Variants in ATP6V1A observed in about 807,000 individuals in gnomAD.
The protein encoded by ATP6V1A is ATPase H+ transporting V1 subunit A.
In ATP6V1A, 18 loss-of-function variants were observed where a neutral mutation model predicts 70.1. That is an observed-to-expected ratio of 0.26 (90% CI 0.18 to 0.38). ATP6V1A has a LOEUF of 0.38. Ranked by LOEUF, ATP6V1A falls within the 10% of genes least tolerant of loss-of-function variation. ATP6V1A has a pLI of 1.00. For missense variants in ATP6V1A, 424 were observed against 772.4 expected (o/e 0.55, Z 5.35); for synonymous variants, 232 against 253.8 (o/e 0.91, Z 0.82).
intron 12 of ATP6V1A, chr3:113,802,975 C>A (rs537288547): frequency 6.5e-6 from 1 of 152,832 alleles, no homozygotes; most frequent in African/African-American, 2.4e-5. Context: ...ATATTCTTAG[C>A]AGCACTGTTC....
chr3:113,773,949 A>T (rs1048984706), intron 1 of ATP6V1A, among the ~76,000 whole-genome samples: 2 of 152,136 alleles, frequency 1.3e-5, no homozygotes, highest in Non-Finnish European at 2.9e-5. Flanking sequence ...ATTGTGTCTT[A>T]CTTCATTATA....
intron 2 of ATP6V1A, chr3:113,780,736 C>T: frequency 7.7e-7 from 1 of 1,298,106 alleles, no homozygotes; most frequent in Non-Finnish European, 1.0e-6. Flanking sequence ...CCAAAGCCTT[C>T]ACTCCATGTA....
At chr3:113,800,322 A>G (rs766606697) in intron 12 of ATP6V1A, among the ~76,000 whole-genome samples, 1 of 152,194 alleles carries the variant, frequency 6.6e-6, no homozygotes, top group Non-Finnish European at 1.5e-5. Flanking sequence ...CAAGATTCAC[A>G]ACCTTAAATA....
intron 1 of ATP6V1A, among the ~76,000 whole-genome samples, chr3:113,776,458 T>A (rs1039701775): frequency 6.6e-6 from 1 of 152,218 alleles, no homozygotes; most frequent in Non-Finnish European, 1.5e-5. Flanking sequence ...GGAATCAGTT[T>A]CTCCTGTGCT....
At chr3:113,790,909 G>A (rs542713761) in intron 8 of ATP6V1A, among the ~76,000 whole-genome samples, 42 of 152,046 alleles carry the variant, frequency 2.8e-4, no homozygotes, top group Middle Eastern at 3.4e-3. Context: ...TTAAATGCTG[G>A]GGACATTAAA....
rs1372863359 is a variant in ATP6V1A at position 113,784,368 on chromosome 3, C to G, written c.356C>G (p.Pro119Arg). 9 of 1,614,118 alleles carry G rather than the reference C, an allele frequency of 5.6e-6. No homozygotes were observed. In the South Asian group the frequency reaches 8.8e-5, roughly 16 times the overall value. Reference protein sequence around the residue: ...ISSQTQSIYIPRGVNVSALSR... With the variant: ...ISSQTQSIYIRRGVNVSALSR... ...AGTCAGACCCAAAGCATCTACATCC[C>G]CAGAGGAGTAAACGTGTCTGCTCTT... The change falls in exon 4 of 15, where the codon CCC becomes CGC. Residue 119 changes from proline to arginine, a missense_variant. Pro to Arg is a moderately radical substitution (Grantham distance 103). Around this residue, in one of 9 missense-constraint regions of ATP6V1A, gnomAD observed 139 missense variants for 163.5 expected, o/e 0.85. Coordinates refer to ENST00000273398, the MANE Select transcript of ATP6V1A (RefSeq NM_001690.4).
In ATP6V1A at chr3:113,781,642, TA is replaced by T. The variant is rs151249041; in HGVS notation, c.211+467del. On this transcript the variant is annotated intron_variant, in intron 3 of 14. Transcript: ENST00000273398. ...AGACCTGAATTATGCAGGAGTATGT[TA>T]AAGAAAGAGAGAAAAGTACTATGAA... is the stretch of plus-strand genomic sequence containing the variant. Among the ~76,000 whole-genome samples the T allele has an allele frequency of 9.7e-3, 1,475 of 152,344 alleles. 19 individuals carry two copies. Among genetic ancestry groups the T allele is most frequent in the African/African-American group, 0.033 (1,378 of 41,586 alleles).
intron 1 of ATP6V1A, among the ~76,000 whole-genome samples, chr3:113,776,652 G>A (rs1370091159): frequency 1.3e-5 from 2 of 152,134 alleles, no homozygotes; most frequent in Non-Finnish European, 2.9e-5. Flanking sequence ...TGTTAAAGTA[G>A]TTGAACACCA....
rs781640990 is a variant in ATP6V1A at position 113,778,782 on chromosome 3, T to G, written c.29T>G (p.Leu10Arg). Reference protein sequence around the residue: MDFSKLPKILDEDKESTFGY... With the variant: MDFSKLPKIRDEDKESTFGY... ...GATTTTTCCAAGCTACCCAAAATAC[T>G]CGATGAAGATAAAGAAAGCACATTT... The change falls in exon 2 of 15, where the codon CTC becomes CGC. Residue 10 changes from leucine (L) to arginine (R), a missense_variant. Physicochemically the swap from Leu to Arg is moderately radical, Grantham distance 102 (BLOSUM62 -2). Coordinates refer to ENST00000273398, the MANE Select transcript of ATP6V1A (RefSeq NM_001690.4). 2.1e-5 allele frequency: 34 copies of G among 1,595,194 alleles called. No individual in the cohort carries two copies. The highest frequency in any genetic ancestry group is 2.7e-5 in the Non-Finnish European group (32 of 1,171,234).
At chr3:113,767,375 C>T (rs1708784800) in intron 1 of ATP6V1A, among the ~76,000 whole-genome samples, 1 of 152,264 alleles carries the variant, frequency 6.6e-6, no homozygotes, top group Middle Eastern at 3.4e-3. Context: ...GTGTAAGCCA[C>T]TGCGCCCAGC....
At chr3:113,780,592 A>C (rs984720590) in intron 2 of ATP6V1A, 48 of 392,394 alleles carry the variant, frequency 1.2e-4, no homozygotes, top group African/African-American at 9.1e-4. Context: ...TTAGAAAGTA[A>C]ACATGTTGCT....
intron 3 of ATP6V1A, among the ~76,000 whole-genome samples, chr3:113,783,052 C>G (rs1246410627): frequency 6.6e-6 from 1 of 152,050 alleles, no homozygotes; most frequent in African/African-American, 2.4e-5. Context: ...TGTTGTTGTT[C>G]TGAAAATTTT....
intron 5 of ATP6V1A, among the ~76,000 whole-genome samples, chr3:113,785,174 G>A (rs891633575): frequency 6.6e-6 from 1 of 152,200 alleles, no homozygotes; most frequent in East Asian, 1.9e-4. Flanking sequence ...GGGCATGTAG[G>A]CTCACGCCTG....
chr3:113,764,998 GAAAA>G (rs36088874), intron 1 of ATP6V1A, among the ~76,000 whole-genome samples: 8 of 113,526 alleles, frequency 7.0e-5, no homozygotes, highest in Non-Finnish European at 1.3e-4. Context: ...TGTCTTAATT[GAAAA>G]AAAAAAAAAA....
intron 1 of ATP6V1A, among the ~76,000 whole-genome samples, chr3:113,758,650 T>C (rs998415635): frequency 6.6e-6 from 1 of 152,230 alleles, no homozygotes; most frequent in Non-Finnish European, 1.5e-5. Context: ...AACATTCATG[T>C]AAGTCTTTGG....
chr3:113,754,505 G>A (rs1455782193), intron 1 of ATP6V1A, among the ~76,000 whole-genome samples: 1 of 151,888 alleles, frequency 6.6e-6, no homozygotes. Context: ...CTGCACTCCA[G>A]CCTGGGCGTC....
At chr3:113,759,287 G>GTTTTTTTTTTTTTTTTTTTCTTTTT (rs34189516) in intron 1 of ATP6V1A, among the ~76,000 whole-genome samples, 1 of 133,264 alleles carries the variant, frequency 7.5e-6, no homozygotes, top group Non-Finnish European at 1.6e-5. Context: ...ATAGTTACGG[G>GTTTTTTTTTTTTTTTTTTTCTTTTT]TTTTTTTTTT....
At chr3:113,805,589 A>G (rs1283993769) in intron 14 of ATP6V1A, 64 bp downstream of exon 14, 2 of 1,417,486 alleles carry the variant, frequency 1.4e-6, no homozygotes, top group East Asian at 2.3e-5. Context: ...TTTTTTTTTT[A>G]GACAGAGTCT....
intron 14 of ATP6V1A, among the ~76,000 whole-genome samples, chr3:113,808,308 T>C (rs1285579189): frequency 9.9e-5 from 12 of 121,656 alleles, no homozygotes; most frequent in Admixed American, 3.3e-4. Context: ...TTTTTTTTTT[T>C]CTGAGACAGA....
Sources: allele counts gnomAD v4.1 joint callset (sites outside exome capture counted in the v4.1 genomes callset), GRCh38; gene constraint gnomAD v4.1.1; regional missense constraint gnomAD v4.1.1; transcripts MANE v1.5; gene names NCBI Gene and HGNC (gene_info 2026-07-23, HGNC 2026-07-21).